GPC6: variants seen among roughly 807,000 people sequenced by gnomAD.
The protein encoded by GPC6 is glypican 6, also known as glypican-6.
In GPC6, 14 loss-of-function variants were observed where a neutral mutation model predicts 55.2. The ratio of observed to expected loss-of-function variants is 0.25; its 90% confidence interval spans 0.17 to 0.40. The LOEUF (loss-of-function observed/expected upper bound fraction) is 0.40. Ranked by LOEUF, GPC6 falls within the 10% of genes least tolerant of loss-of-function variation. GPC6 has a pLI of 1.00. For synonymous variants in GPC6, 278 were observed against 259.6 expected (o/e 1.07, Z -0.68); for missense variants, 641 against 708.5 (o/e 0.90, Z 1.08).
At chr13:93,674,917 G>A (rs904513060) in intron 2 of GPC6, among the ~76,000 whole-genome samples, 1 of 152,066 alleles carries the variant, frequency 6.6e-6, no homozygotes, top group Non-Finnish European at 1.5e-5. Context: ...CCTGGGTATG[G>A]GTGTTAATTC....
chr13:93,495,524 C>T (rs1594212562), intron 1 of GPC6, among the ~76,000 whole-genome samples: 2 of 136,626 alleles, frequency 1.5e-5, no homozygotes, highest in Admixed American at 1.5e-4. Flanking sequence ...TCTCTCAGCT[C>T]GTCAAAATCA....
chr13:93,554,767 T>C (rs1875368810), intron 2 of GPC6, among the ~76,000 whole-genome samples: 1 of 152,180 alleles, frequency 6.6e-6, no homozygotes, highest in African/African-American at 2.4e-5. Flanking sequence ...AACAGGATCC[T>C]GAACCCAAAT....
intron 1 of GPC6, among the ~76,000 whole-genome samples, chr13:93,324,587 C>CATATATATAT (rs34871661): frequency 0.028 from 3,476 of 122,546 alleles, 60 homozygotes; most frequent in East Asian, 0.14. Flanking sequence ...CACATACATA[C>CATATATATAT]ATATATATAT....
chr13:93,490,556 A>G (rs1879946402), intron 1 of GPC6, among the ~76,000 whole-genome samples: 1 of 121,344 alleles, frequency 8.2e-6, no homozygotes, highest in Non-Finnish European at 1.6e-5. Context: ...TTTAGGGTAC[A>G]TGTGCACGTT....
At chr13:93,626,857 A>G (rs901287039) in intron 2 of GPC6, among the ~76,000 whole-genome samples, 2 of 151,744 alleles carry the variant, frequency 1.3e-5, no homozygotes, top group African/African-American at 2.4e-5. Flanking sequence ...AACAGGTTTT[A>G]TTGGCTCACA....
intron 1 of GPC6, among the ~76,000 whole-genome samples, chr13:93,264,189 C>G (rs960622728): frequency 6.6e-6 from 1 of 152,206 alleles, no homozygotes; most frequent in South Asian, 2.1e-4. Context: ...GGATTATGCA[C>G]CACTGCAGAA....
At chr13:94,110,102 T>G (rs1296112050) in intron 4 of GPC6, among the ~76,000 whole-genome samples, 1 of 149,634 alleles carries the variant, frequency 6.7e-6, no homozygotes, top group Admixed American at 6.7e-5. Context: ...AAAGCTGTAG[T>G]GATAGGCAAG....
At chr13:94,284,541 A>G (rs567580202) in intron 4 of GPC6, among the ~76,000 whole-genome samples, 121 of 151,970 alleles carry the variant, frequency 8.0e-4, no homozygotes, top group Non-Finnish European at 1.4e-3. Context: ...CTTTTTTTCA[A>G]ACAATTTTGT....
intron 3 of GPC6, among the ~76,000 whole-genome samples, chr13:93,911,414 GTGT>G (rs1876973312): frequency 6.6e-6 from 1 of 151,798 alleles, no homozygotes; most frequent in South Asian, 2.1e-4. Flanking sequence ...GACTGTGTGT[GTGT>G]GTGTGTGTGT....
At chr13:94,025,774 A>T (rs1415743) in intron 3 of GPC6, among the ~76,000 whole-genome samples, 5 of 152,144 alleles carry the variant, frequency 3.3e-5, no homozygotes, top group Non-Finnish European at 7.4e-5. Flanking sequence ...GAATACCTTT[A>T]TAAAGAAAGG....
At position 94,403,493 on chromosome 13, in the gene GPC6, T is replaced by G; in HGVS notation, c.*276T>G. On this transcript the variant is annotated 3_prime_UTR_variant, in exon 9 of 9. Coordinates refer to ENST00000377047, the MANE Select transcript of GPC6 (RefSeq NM_005708.5). ...TTTCGTACCAGGAGATTTTCTTACC[T>G]TCATTTGCTTTTATGCTGCAGAAGT... 1 of 459,984 alleles carries G rather than the reference T, an allele frequency of 2.2e-6. No homozygotes were observed. Among genetic ancestry groups the G allele is most frequent in the Non-Finnish European group, 4.0e-6 (1 of 249,786 alleles). 28.5% of individuals were successfully genotyped at this position (459,984 alleles called of 1,614,324 possible).
rs34212412 is a variant in GPC6 at position 93,629,049 on chromosome 13, CA to C, written c.319+83636del. On this transcript the variant is annotated intron_variant, in intron 2 of 8. Transcript: ENST00000377047. ...TACTTCTAGCCAGAAAAAAAAAAAA[CA>C]AAAAAAACTGACTTTTAAAAGTCAT... 7.2e-3 allele frequency among the ~76,000 whole-genome samples: 1,048 copies of C among 145,738 alleles called. 9 individuals are homozygous for C. Among genetic ancestry groups the C allele is most frequent in the African/African-American group, 0.025 (991 of 40,048 alleles).
chr13:94,260,298 G>T (rs1891619666), intron 4 of GPC6, among the ~76,000 whole-genome samples: 1 of 152,180 alleles, frequency 6.6e-6, no homozygotes, highest in African/African-American at 2.4e-5. Flanking sequence ...TTGAAGATCA[G>T]TTAAGAGTAG....
intron 4 of GPC6, among the ~76,000 whole-genome samples, chr13:94,208,639 G>A (rs749882992): frequency 2.6e-5 from 4 of 151,258 alleles, no homozygotes; most frequent in Non-Finnish European, 5.9e-5. Context: ...TTTTGCTTTA[G>A]CGCTAGACAC....
Position 94,253,686 on chromosome 13 carries a change from AC to A in GPC6, c.878-32662del, listed in dbSNP as rs1461778591. ...GTATCTGGAGAGTCATGGTAGTCTT[AC>A]TACATCTGGTTAGTCATATTCCCCC... On this transcript the variant is annotated intron_variant, in intron 4 of 8. Transcript: ENST00000377047. Among the ~76,000 whole-genome samples the A allele has an allele frequency of 1.1e-4, 16 of 152,056 alleles. 1 individual carries two copies. The highest frequency in any genetic ancestry group is 1.5e-5 in the Non-Finnish European group (1 of 67,974).
chr13:94,063,391 T>C (rs1376941750), intron 4 of GPC6, among the ~76,000 whole-genome samples: 2 of 152,242 alleles, frequency 1.3e-5, no homozygotes, highest in East Asian at 1.9e-4. Context: ...ACTATGTAGC[T>C]ATGCTTAGCT....
chr13:93,243,087 C>A (rs1268494215), intron 1 of GPC6, among the ~76,000 whole-genome samples: 1 of 152,186 alleles, frequency 6.6e-6, no homozygotes. Flanking sequence ...CAGATCGCAG[C>A]CCGCTCCAGT....
In GPC6 at chr13:94,279,500, G is replaced by A. The variant is rs141903648; in HGVS notation, c.878-6849G>A. On this transcript the variant is annotated intron_variant, in intron 4 of 8. Coordinates refer to ENST00000377047, the MANE Select transcript of GPC6 (RefSeq NM_005708.5). Reference sequence around the variant, plus strand: ...CTTCTCCTAGCTTTTGGATTAGTTTGCTCTTGCTTCTCTAGTTATTTTAAT... The same window carrying A: ...CTTCTCCTAGCTTTTGGATTAGTTTACTCTTGCTTCTCTAGTTATTTTAAT... Among the ~76,000 whole-genome samples, 233 of 152,042 alleles carry A rather than the reference G, an allele frequency of 1.5e-3. 1 individual carries two copies. The highest frequency in any genetic ancestry group is 2.4e-3 in the Non-Finnish European group (165 of 67,978).
At chr13:94,028,181 C>G (rs1361528816) in intron 4 of GPC6, among the ~76,000 whole-genome samples, 1 of 151,942 alleles carries the variant, frequency 6.6e-6, no homozygotes, top group African/African-American at 2.4e-5. Context: ...GAGAGGATTG[C>G]TTGAGCTTCG....
Sources: gnomAD v4.1 joint callset for allele counts (sites outside exome capture counted in the v4.1 genomes callset) on GRCh38, gnomAD v4.1.1 for gene constraint, MANE v1.5 for transcripts, NCBI Gene and HGNC (gene_info 2026-07-23, HGNC 2026-07-21) for gene names.